Variants in CCAR2 observed in about 807,000 individuals in gnomAD.
CCAR2 encodes the protein cell cycle and apoptosis regulator 2, also known as cell cycle and apoptosis regulator protein 2.
CCAR2 carries 21 observed loss-of-function variants against 108.1 expected under a neutral mutation model. The ratio of observed to expected loss-of-function variants is 0.19; its 90% CI spans 0.14 to 0.28. The LOEUF is 0.28. Among genes scored for constraint, CCAR2 ranks in the 10% least tolerant of loss-of-function variants. The pLI is 1.00. For synonymous variants in CCAR2, 577 were observed against 472.8 expected (o/e 1.22, Z -2.86); for missense variants, 1,126 against 1,177.0 (o/e 0.96, Z 0.63).
intron 7 of CCAR2, among the ~76,000 whole-genome samples, chr8:22,610,904 A>G (rs1426743223): frequency 6.6e-6 from 1 of 152,216 alleles, no homozygotes; most frequent in East Asian, 1.9e-4. Flanking sequence ...TGAATGGTCT[A>G]AAGGTTTTTT....
Position 22,619,166 on chromosome 8 carries a change from T to C in CCAR2, c.2538T>C (p.Arg846=). The change falls in exon 20 of 21, where the codon CGT becomes CGC. Residue 846 remains arginine (R), a synonymous_variant. Coordinates refer to ENST00000308511, the MANE Select transcript of CCAR2 (RefSeq NM_001393997.1). ...LELKLEESHN[R]FSATEVTNKT... ...ACCTTGCAGAGGAGAGCCATAACCGTTTCTCAGCCACTGAAGTAACCAATA... is the reference window on the plus strand; with the variant it reads ...ACCTTGCAGAGGAGAGCCATAACCGCTTCTCAGCCACTGAAGTAACCAATA... 2 of 1,601,754 alleles carry C rather than the reference T, an allele frequency of 1.2e-6. No homozygotes were observed. The highest frequency in any genetic ancestry group is 1.7e-6 in the Non-Finnish European group (2 of 1,174,490).
Position 22,619,770 on chromosome 8 carries a change from C to A in CCAR2, c.*88C>A. 2.1e-6 allele frequency: 3 copies of A among 1,432,406 alleles called. No individual in the cohort carries two copies. The highest frequency in any genetic ancestry group is 2.9e-6 in the Non-Finnish European group (3 of 1,047,888). 88.7% of individuals were successfully genotyped at this position (1,432,406 alleles called of 1,614,324 possible). On this transcript the variant is annotated 3_prime_UTR_variant, in exon 21 of 21. Transcript: ENST00000308511. The stretch of plus-strand genomic sequence containing the variant: ...TTGCGGTACCAGAAAGCAGCGAGAG[C>A]GAGACCTGGGAGCCAGGGCAGGGGT...
chr8:22,616,806 ACT>A (rs1239598045), intron 14 of CCAR2: 4 of 132,926 alleles, frequency 3.0e-5, no homozygotes, highest in African/African-American at 8.4e-5. Flanking sequence ...AGAGAGTAAG[ACT>A]CTCTGTCTCA....
chr8:22,621,257 G>C, downstream of CCAR2: 1 of 933,172 alleles, frequency 1.1e-6, no homozygotes, highest in Non-Finnish European at 1.6e-6. Flanking sequence ...GGCCTGCCTA[G>C]GGCTCCTGGT....
intron 13 of CCAR2, 39 bp downstream of exon 13, chr8:22,615,951 T>A: frequency 6.2e-7 from 1 of 1,612,950 alleles, no homozygotes; most frequent in Non-Finnish European, 8.5e-7. Flanking sequence ...TGGGCTGGGA[T>A]TTGTGGGCCT....
intron 18 of CCAR2, 27 bp downstream of exon 18, chr8:22,618,755 C>T: frequency 6.2e-7 from 1 of 1,613,692 alleles, no homozygotes; most frequent in South Asian, 1.1e-5. Context: ...TGCAGCCTTC[C>T]TGGGGCACGG....
intron 3 of CCAR2, 89 bp downstream of exon 3, chr8:22,606,265 T>A: frequency 8.9e-7 from 1 of 1,126,500 alleles, no homozygotes; most frequent in Non-Finnish European, 1.3e-6. Flanking sequence ...ATAATAGTGT[T>A]TATCATTCCT....
In CCAR2 at chr8:22,618,335, T is replaced by G; in HGVS notation, c.2074-14T>G. 2 of 1,614,140 alleles carry G rather than the reference T, an allele frequency of 1.2e-6. No homozygotes were observed. Among genetic ancestry groups the G allele is most frequent in the African/African-American group, 2.7e-5 (2 of 75,074 alleles). On this transcript the variant is annotated splice_polypyrimidine_tract_variant and intron_variant, in intron 16 of 20. Transcript: ENST00000308511. ...ACTATTTGCAAATCCTGCTCATCTT[T>G]GTTTTCTTTGCAGCCCAAGGAGCTG...
Position 22,618,919 on chromosome 8 carries a change from C to G in CCAR2, c.2425C>G (p.Leu809Val). 6.2e-7 allele frequency: 1 copy of G among 1,613,868 alleles called. No homozygotes were observed. Residue 809 changes from leucine to valine, a missense_variant, in exon 19 of 21, where the codon CTG becomes GTG. Around this residue, in one of 4 missense-constraint regions of CCAR2, gnomAD observed 1,013 missense variants for 993.9 expected, o/e 1.02. Transcript: ENST00000308511. Reference protein sequence around the residue: ...HKALVSHNGSLINVGSLLQRA... With the variant: ...HKALVSHNGSVINVGSLLQRA... ...AGCCTTGGTGTCCCACAATGGCAGC[C>G]TGATTAACGTGGGGAGCCTGCTGCA...
rs1455790217 is a variant in CCAR2 at position 22,619,890 on chromosome 8, TAAC to T, written c.*212_*214del. On this transcript the variant is annotated 3_prime_UTR_variant, in exon 21 of 21. Transcript: ENST00000308511. ...ATGTGTGAGGAACCCCGGTTCCACT[TAAC>T]AACTAAATACAACATCTTTTGCACC... is the stretch of plus-strand genomic sequence containing the variant. 124 of 592,260 alleles carry T rather than the reference TAAC, an allele frequency of 2.1e-4. 1 individual carries two copies. Among genetic ancestry groups the T allele is most frequent in the Middle Eastern group, 8.9e-4 (2 of 2,248 alleles). 36.7% of individuals were successfully genotyped at this position (592,260 alleles called of 1,614,324 possible).
chr8:22,615,244 T>A, intron 11 of CCAR2, 181 bp from the exon 12 acceptor site: 1 of 888,072 alleles, frequency 1.1e-6, no homozygotes, highest in East Asian at 2.6e-5. Flanking sequence ...GGTTGCGGCC[T>A]CCCCACTGAC....
Position 22,616,199 on chromosome 8 carries a change from A to G in CCAR2, c.1796A>G (p.Lys599Arg). The G allele has an allele frequency of 1.2e-6, 2 of 1,613,838 alleles. No individual in the cohort carries two copies. The highest frequency in any genetic ancestry group is 2.2e-5 in the South Asian group (2 of 91,076). Residue 599 changes from lysine to arginine, a missense_variant, in exon 14 of 21, where the codon AAG becomes AGG. This residue lies in a region of CCAR2 where 1,013 missense variants were observed against 993.9 expected (regional missense o/e 1.02). Coordinates refer to ENST00000308511, the MANE Select transcript of CCAR2 (RefSeq NM_001393997.1). ...AAAGAGGAGGTGGTCAAGGAGCCCA[A>G]GGATGAGGCACAGAATGAGGGCCCG... ...AIKEEVVKEP[K>R]DEAQNEGPAT...
intron 7 of CCAR2, among the ~76,000 whole-genome samples, chr8:22,608,542 C>T (rs1435193807): frequency 6.6e-6 from 1 of 152,174 alleles, no homozygotes; most frequent in Non-Finnish European, 1.5e-5. Flanking sequence ...GTTCAGGCCC[C>T]CGTGCCTTGG....
At chr8:22,611,589 C>T (rs1285574399) in intron 7 of CCAR2, among the ~76,000 whole-genome samples, 1 of 151,994 alleles carries the variant, frequency 6.6e-6, no homozygotes. Flanking sequence ...CCACTCTTTT[C>T]TCCTGTGTTC....
At chr8:22,618,227 A>G (rs1801601543) in intron 16 of CCAR2, 122 bp from the exon 17 acceptor site, 3 of 1,310,332 alleles carry the variant, frequency 2.3e-6, no homozygotes, top group Admixed American at 3.6e-5. Flanking sequence ...AGCAGCTGGG[A>G]CTTCAGGCAT....
rs2117462000 is a variant in CCAR2 at position 22,617,431 on chromosome 8, G to C, written c.1857G>C (p.Gly619=). The C allele has an allele frequency of 1.3e-6, 2 of 1,551,568 alleles. No individual in the cohort carries two copies. Among genetic ancestry groups the C allele is most frequent in the Admixed American group, 4.2e-5 (2 of 47,248 alleles). Residue 619 remains glycine (G), a synonymous_variant, in exon 15 of 21, where the codon GGG becomes GGC. Coordinates refer to ENST00000308511, the MANE Select transcript of CCAR2 (RefSeq NM_001393997.1). The stretch of plus-strand genomic sequence containing the variant: ...GTCTGCCTCTGTAGAAGGAGGATGG[G>C]CTTTTGCCCAAACCACTCTCTTCTG... ...TESEAPLKED[G]LLPKPLSSGG...
At position 22,618,983 on chromosome 8, in the gene CCAR2, A is replaced by T; in HGVS notation, c.2489A>T (p.Glu830Val). 6.2e-7 allele frequency: 1 copy of T among 1,613,176 alleles called. No homozygotes were observed. The highest frequency in any genetic ancestry group is 8.5e-7 in the Non-Finnish European group (1 of 1,179,914). ...CAGGACAGCGGCCGGCTCTACCTAG[A>T]GAACAAGATCCACACACTGGAGCTG... is the stretch of plus-strand genomic sequence containing the variant. Reference protein sequence around the residue: ...EQQDSGRLYLENKIHTLELKL... With the variant: ...EQQDSGRLYLVNKIHTLELKL... The change falls in exon 19 of 21, where the codon GAG becomes GTG. Residue 830 changes from glutamate (E) to valine (V), a missense_variant. Physicochemically the swap from Glu to Val is moderately radical, Grantham distance 121 (BLOSUM62 -2). Coordinates refer to ENST00000308511, the MANE Select transcript of CCAR2 (RefSeq NM_001393997.1).
Position 22,608,535 on chromosome 8 carries a change from C to G in CCAR2, c.584+470C>G, listed in dbSNP as rs921683938. Among the ~76,000 whole-genome samples, 5 of 152,292 alleles carry G rather than the reference C, an allele frequency of 3.3e-5. 1 individual carries two copies. The highest frequency in any genetic ancestry group is 3.3e-4 in the Admixed American group (5 of 15,298). On this transcript the variant is annotated intron_variant, in intron 7 of 20. Transcript: ENST00000308511. ...GTATATTGCACTCTGCCTGGGAGTT[C>G]AGGCCCCCGTGCCTTGGACACACAG...
In CCAR2 at chr8:22,608,004, C is replaced by T. The variant is rs754983948; in HGVS notation, c.523C>T (p.Leu175=). The T allele has an allele frequency of 6.2e-7, 1 of 1,614,096 alleles. No homozygotes were observed. ...SLFQTSHTLH[L]SHLNRFPARG... Reference sequence around the variant, plus strand: ...CTTCCAAACATCCCACACACTTCACCTGAGCCACCTGAACAGATTTCCTGC... The same window carrying T: ...CTTCCAAACATCCCACACACTTCACTTGAGCCACCTGAACAGATTTCCTGC... The change falls in exon 7 of 21, where the codon CTG becomes TTG. Residue 175 remains leucine (L), a synonymous_variant. Transcript: ENST00000308511.
Sources: allele counts gnomAD v4.1 joint callset (sites outside exome capture counted in the v4.1 genomes callset), GRCh38; gene constraint gnomAD v4.1.1; regional missense constraint gnomAD v4.1.1; transcripts MANE v1.5; gene names NCBI Gene and HGNC (gene_info 2026-07-23, HGNC 2026-07-21).